The following REDIC1 variants were observed in gnomAD, a reference collection of about 807,000 sequenced individuals.
REDIC1 encodes regulator of DNA class I crossover intermediates 1.
At chr12:39,838,887 G>A in the REDIC1 span, among the ~76,000 whole-genome samples, 31 of 152,042 alleles carry the variant, frequency 2.0e-4, no homozygotes, top group Non-Finnish European at 2.6e-4. Context: ...ATGAGATGGA[G>A]CACTAAGAAC....
the REDIC1 span, among the ~76,000 whole-genome samples, chr12:39,863,724 T>C: frequency 1.3e-5 from 2 of 152,086 alleles, no homozygotes; most frequent in Non-Finnish European, 2.9e-5. Context: ...AACAAACTTA[T>C]CAGTAAAATA....
the REDIC1 span, among the ~76,000 whole-genome samples, chr12:39,850,902 AT>A: frequency 3.4e-3 from 498 of 144,654 alleles, 1 homozygote; most frequent in African/African-American, 5.0e-3. Flanking sequence ...CACAAAGTTA[AT>A]TTTTTTTTTT....
chr12:39,822,472 G>C, the REDIC1 span, among the ~76,000 whole-genome samples: 1 of 152,262 alleles, frequency 6.6e-6, no homozygotes, highest in Non-Finnish European at 1.5e-5. Flanking sequence ...ATTGGCACCA[G>C]CCACGCATTT....
the REDIC1 span, among the ~76,000 whole-genome samples, chr12:39,769,387 T>C: frequency 6.6e-6 from 1 of 152,074 alleles, no homozygotes; most frequent in Non-Finnish European, 1.5e-5. Context: ...TAGGACTTGA[T>C]ACATTTGAAT....
chr12:39,879,250 G>A, the REDIC1 span, among the ~76,000 whole-genome samples: 1 of 152,242 alleles, frequency 6.6e-6, no homozygotes, highest in Admixed American at 6.5e-5. Context: ...GAAGTACCAA[G>A]GGGAAATGTG....
the REDIC1 span, among the ~76,000 whole-genome samples, chr12:39,666,502 A>G: frequency 6.0e-4 from 91 of 152,308 alleles, no homozygotes; most frequent in African/African-American, 2.0e-3. Context: ...ATCGATGTTC[A>G]TCAGGAATAT....
the REDIC1 span, among the ~76,000 whole-genome samples, chr12:39,661,707 T>C: frequency 6.6e-6 from 1 of 152,140 alleles, no homozygotes; most frequent in Non-Finnish European, 1.5e-5. Context: ...TTTTGAAGTC[T>C]AAGTCATAAA....
At chr12:39,900,865 G>T in the REDIC1 span, among the ~76,000 whole-genome samples, 1 of 152,104 alleles carries the variant, frequency 6.6e-6, no homozygotes, top group Admixed American at 6.6e-5. Context: ...AACCAAAAAA[G>T]ATCCCGCATC....
the REDIC1 span, among the ~76,000 whole-genome samples, chr12:39,788,388 A>G: frequency 3.3e-5 from 5 of 152,194 alleles, no homozygotes; most frequent in East Asian, 9.6e-4. Context: ...AGGAAATCTG[A>G]TAACTGAGAA....
chr12:39,632,766 T>C, the REDIC1 span, among the ~76,000 whole-genome samples: 1 of 152,178 alleles, frequency 6.6e-6, no homozygotes, highest in Non-Finnish European at 1.5e-5. Flanking sequence ...GTTACTGTAC[T>C]GAATATTGTA....
At chr12:39,723,724 G>C in the REDIC1 span, among the ~76,000 whole-genome samples, 2 of 151,690 alleles carry the variant, frequency 1.3e-5, no homozygotes, top group African/African-American at 4.8e-5. Context: ...ATTCAGTAAG[G>C]GCCAATGCTA....
At chr12:39,782,937 T>C in the REDIC1 span, among the ~76,000 whole-genome samples, 6 of 152,150 alleles carry the variant, frequency 3.9e-5, no homozygotes, top group Non-Finnish European at 8.8e-5. Flanking sequence ...TTGTTATGTA[T>C]GTATACATGT....
chr12:39,896,592 A>G, the REDIC1 span, among the ~76,000 whole-genome samples: 1 of 151,124 alleles, frequency 6.6e-6, no homozygotes. Flanking sequence ...ATATATGTAT[A>G]CATATATGTA....
the REDIC1 span, among the ~76,000 whole-genome samples, chr12:39,663,915 C>T: frequency 2.0e-5 from 3 of 151,698 alleles, no homozygotes; most frequent in African/African-American, 7.3e-5. Context: ...ATTTCTCTTT[C>T]ATTTTTGAAG....
chr12:39,713,408 A>G, the REDIC1 span, among the ~76,000 whole-genome samples: 116 of 9,690 alleles, frequency 0.012, 2 homozygotes, highest in Non-Finnish European at 0.051. Context: ...ATACGTATGT[A>G]TACACATATA....
chr12:39,688,164 T>A, the REDIC1 span, among the ~76,000 whole-genome samples: 27 of 152,240 alleles, frequency 1.8e-4, no homozygotes, highest in African/African-American at 6.3e-4. Flanking sequence ...GGTACAGAGA[T>A]GAAAGGACAT....
At chr12:39,847,661 TG>T in the REDIC1 span, among the ~76,000 whole-genome samples, 7 of 152,028 alleles carry the variant, frequency 4.6e-5, no homozygotes, top group Admixed American at 3.9e-4. Context: ...TGTAGCACAT[TG>T]GTCCCCAACT....
At chr12:39,671,841 T>A in the REDIC1 span, among the ~76,000 whole-genome samples, 4 of 151,994 alleles carry the variant, frequency 2.6e-5, no homozygotes, top group Non-Finnish European at 4.4e-5. Context: ...TCTGGATGGG[T>A]AGATTGCACA....
At chr12:39,666,023 T>G in the REDIC1 span, among the ~76,000 whole-genome samples, 12 of 151,582 alleles carry the variant, frequency 7.9e-5, no homozygotes, top group South Asian at 1.0e-3. Context: ...GCAAACAATT[T>G]AACTTCCTCT....
Sources: gnomAD v4.1 joint callset for allele counts (sites outside exome capture counted in the v4.1 genomes callset) on GRCh38, gnomAD v4.1.1 for gene constraint, MANE v1.5 for transcripts, NCBI Gene and HGNC (gene_info 2026-07-23, HGNC 2026-07-21) for gene names.